Variants in PDE4D observed in about 807,000 individuals in gnomAD.
PDE4D encodes phosphodiesterase 4D, also known as 3',5'-cyclic-AMP phosphodiesterase 4D.
A neutral mutation model predicts 87.4 loss-of-function variants in PDE4D; 24 were observed. That is an observed-to-expected ratio of 0.27 (90% CI 0.20 to 0.39). The LOEUF is 0.39. PDE4D is among the 10% of genes least tolerant of loss of function. The pLI, the probability that PDE4D is intolerant of heterozygous loss-of-function variation, is 1.00. For missense variants in PDE4D, 714 were observed against 1,041.0 expected, an observed-to-expected ratio of 0.69 and a Z score of 4.32; for synonymous variants, 384 against 383.2, an observed-to-expected ratio of 1.00 and a Z score of -0.02.
intron 1 of PDE4D, among the ~76,000 whole-genome samples, chr5:59,394,541 A>G (rs1023991816): frequency 3.3e-5 from 5 of 152,236 alleles, no homozygotes; most frequent in Non-Finnish European, 5.9e-5. Flanking sequence ...GCACTAGGAA[A>G]TGAACACAAA....
intron 5 of PDE4D, among the ~76,000 whole-genome samples, chr5:59,057,146 T>A (rs1762492442): frequency 6.6e-6 from 1 of 152,180 alleles, no homozygotes; most frequent in Non-Finnish European, 1.5e-5. Context: ...GATCCAGCTC[T>A]GCCTCCCCCA....
intron 2 of PDE4D, among the ~76,000 whole-genome samples, chr5:60,122,294 T>C (rs1406750397): frequency 1.3e-5 from 2 of 152,212 alleles, no homozygotes; most frequent in Non-Finnish European, 2.9e-5. Context: ...CAGTAGGGAC[T>C]CTGTGTGGAG....
chr5:60,187,268 A>T (rs988183272), intron 1 of PDE4D, among the ~76,000 whole-genome samples: 2 of 152,150 alleles, frequency 1.3e-5, no homozygotes, highest in African/African-American at 4.8e-5. Flanking sequence ...CAGCTAGTAC[A>T]CCTCCAGGAA....
intron 2 of PDE4D, among the ~76,000 whole-genome samples, chr5:59,212,408 GA>G (rs1292188865): frequency 6.6e-6 from 1 of 152,054 alleles, no homozygotes; most frequent in Non-Finnish European, 1.5e-5. Flanking sequence ...AAGGAGAATG[GA>G]AAGCTAAACA....
chr5:59,479,478 C>T (rs897989813), intron 1 of PDE4D, among the ~76,000 whole-genome samples: 2 of 152,034 alleles, frequency 1.3e-5, no homozygotes, highest in Admixed American at 6.6e-5. Flanking sequence ...TTAATCCTTC[C>T]AACCTGGATA....
intron 5 of PDE4D, chr5:59,157,415 G>A: frequency 2.9e-6 from 2 of 700,788 alleles, no homozygotes; most frequent in Admixed American, 2.0e-5. Context: ...TTTCTAAACA[G>A]GTGCTGTGGT....
chr5:59,074,793 A>G (rs898432137), intron 5 of PDE4D, among the ~76,000 whole-genome samples: 1 of 152,050 alleles, frequency 6.6e-6, no homozygotes, highest in Admixed American at 6.6e-5. Context: ...TAAACCCCTT[A>G]ATTATACAGA....
At chr5:59,680,136 C>T (rs537985892) in intron 1 of PDE4D, among the ~76,000 whole-genome samples, 5 of 152,032 alleles carry the variant, frequency 3.3e-5, no homozygotes, top group Non-Finnish European at 5.9e-5. Context: ...AATGGCATTG[C>T]TTTTATACCC....
At chr5:59,501,262 A>G (rs1320060153) in intron 1 of PDE4D, among the ~76,000 whole-genome samples, 1 of 152,196 alleles carries the variant, frequency 6.6e-6, no homozygotes, top group East Asian at 1.9e-4. Flanking sequence ...CAATAAAACA[A>G]TTCAAGAGCA....
chr5:59,067,988 T>C (rs979129639), intron 5 of PDE4D, among the ~76,000 whole-genome samples: 1 of 152,202 alleles, frequency 6.6e-6, no homozygotes, highest in Non-Finnish European at 1.5e-5. Context: ...TCAAAATTTA[T>C]GAAAAACCAT....
intron 3 of PDE4D, among the ~76,000 whole-genome samples, chr5:59,922,942 G>A (rs938553558): frequency 3.9e-5 from 6 of 152,096 alleles, no homozygotes; most frequent in Non-Finnish European, 4.4e-5. Context: ...TCGGACAGCA[G>A]TTATGAACCT....
At chr5:59,340,757 C>T (rs534339967) in intron 1 of PDE4D, among the ~76,000 whole-genome samples, 15 of 152,060 alleles carry the variant, frequency 9.9e-5, no homozygotes, top group Non-Finnish European at 1.9e-4. Context: ...TCATTTTTAC[C>T]TCCCACAAAT....
intron 1 of PDE4D, among the ~76,000 whole-genome samples, chr5:59,247,072 G>A (rs1758990478): frequency 6.6e-6 from 1 of 152,124 alleles, no homozygotes; most frequent in Non-Finnish European, 1.5e-5. Context: ...AATATAATAT[G>A]GTTTTCAAAA....
At chr5:59,829,144 TAC>T (rs71606607) in intron 1 of PDE4D, among the ~76,000 whole-genome samples, 7 of 150,420 alleles carry the variant, frequency 4.7e-5, no homozygotes, top group Admixed American at 6.6e-5. Context: ...TATACTTATC[TAC>T]ACACACACAC....
chr5:59,387,929 C>T (rs571420859), intron 1 of PDE4D, among the ~76,000 whole-genome samples: 8 of 152,058 alleles, frequency 5.3e-5, no homozygotes, highest in Non-Finnish European at 7.4e-5. Context: ...TGTCCTTTGA[C>T]TAACATTGCC....
chr5:59,098,157 ATGG>A (rs1395707846), intron 5 of PDE4D, among the ~76,000 whole-genome samples: 3 of 152,166 alleles, frequency 2.0e-5, no homozygotes, highest in Non-Finnish European at 2.9e-5. Flanking sequence ...TTCTTCACAT[ATGG>A]TGATTATGTT....
chr5:60,172,274 A>G (rs1335097842), intron 2 of PDE4D, among the ~76,000 whole-genome samples: 1 of 150,882 alleles, frequency 6.6e-6, no homozygotes, highest in Admixed American at 6.6e-5. Context: ...ATACACACAC[A>G]CACACACACA....
chr5:59,405,510 T>C (rs1341614861), intron 1 of PDE4D, among the ~76,000 whole-genome samples: 1 of 152,218 alleles, frequency 6.6e-6, no homozygotes, highest in Non-Finnish European at 1.5e-5. Context: ...TAAAATAATA[T>C]CATCTGCAAA....
intron 3 of PDE4D, among the ~76,000 whole-genome samples, chr5:59,952,038 A>G: frequency 6.6e-6 from 1 of 152,148 alleles, no homozygotes. Flanking sequence ...GGGAAAGACC[A>G]GGTAGAAGTA....
Sources: gnomAD v4.1 joint callset for allele counts (sites outside exome capture counted in the v4.1 genomes callset) on GRCh38, gnomAD v4.1.1 for gene constraint, MANE v1.5 for transcripts, NCBI Gene and HGNC (gene_info 2026-07-23, HGNC 2026-07-21) for gene names.